MYZAP: variants seen among roughly 807,000 people sequenced by gnomAD.
The protein encoded by MYZAP is GRINL1A complex locus upstream.
In MYZAP, 66 loss-of-function variants were observed where a neutral mutation model predicts 69.4. The observed-to-expected ratio is 0.95, with a 90% CI of 0.78 to 1.17. The LOEUF (loss-of-function observed/expected upper bound fraction) is 1.17, where lower values mean the gene tolerates loss of function less well. Among genes scored for constraint, MYZAP ranks in the 50% most tolerant of loss-of-function variants. The pLI, the probability that MYZAP is intolerant of heterozygous loss-of-function variation, is 0.00. For synonymous variants in MYZAP, 256 were observed against 205.9 expected, an observed-to-expected ratio of 1.24 and a Z score of -2.09; for missense variants, 611 against 556.2, an observed-to-expected ratio of 1.10 and a Z score of -0.99.
intron 10 of MYZAP, chr15:57,648,254 G>C (rs1016695141): frequency 3.0e-6 from 3 of 985,102 alleles, no homozygotes; most frequent in Non-Finnish European, 3.6e-6. Context: ...GACAGGTATT[G>C]GTTTCGGTAT....
Position 57,643,616 on chromosome 15 carries a change from G to T in MYZAP, c.1119+4071G>T, listed in dbSNP as rs142240190. ...CAACCAAAGCAGCTCTCCTGCCAAG[G>T]GGAAAGTGATCTTAAGGAAAAAATC... On this transcript the variant is annotated intron_variant, in intron 10 of 12. Coordinates refer to ENST00000267853, the MANE Select transcript of MYZAP (RefSeq NM_001018100.5). Among the ~76,000 whole-genome samples, 76 of 152,272 alleles carry T rather than the reference G, an allele frequency of 5.0e-4. 1 individual carries two copies. In the East Asian group the frequency reaches 0.011, roughly 21 times the overall value.
intron 10 of MYZAP, chr15:57,647,935 C>T (rs2037527260): frequency 3.0e-6 from 3 of 985,288 alleles, no homozygotes; most frequent in Non-Finnish European, 3.6e-6. Flanking sequence ...GAAATCCTGC[C>T]CCGCCACCGC....
chr15:57,637,222 G>A (rs2036868616), intron 8 of MYZAP, among the ~76,000 whole-genome samples: 2 of 152,172 alleles, frequency 1.3e-5, no homozygotes, highest in Admixed American at 1.3e-4. Flanking sequence ...TCAGGACATG[G>A]ACATCTTTGG....
chr15:57,650,904 G>T (rs1272312195), intron 10 of MYZAP, among the ~76,000 whole-genome samples: 2 of 152,180 alleles, frequency 1.3e-5, no homozygotes, highest in Non-Finnish European at 2.9e-5. Context: ...ATGGTACGAG[G>T]GAGTGAGAAA....
chr15:57,684,716 C>G lies in MYZAP; in HGVS notation c.*218C>G. ...CAAGGTCACATTTCAGACACCCACT[C>G]GGCATACCCTGCCGTACTGCATCAT... is the stretch of plus-strand genomic sequence containing the variant. On this transcript the variant is annotated 3_prime_UTR_variant, in exon 13 of 13. Coordinates refer to ENST00000267853, the MANE Select transcript of MYZAP (RefSeq NM_001018100.5). 1 of 443,946 alleles carries G rather than the reference C, an allele frequency of 2.3e-6. No homozygotes were observed. The highest frequency in any genetic ancestry group is 4.0e-6 in the Non-Finnish European group (1 of 251,468). The allele number at this position is 443,946 out of a possible 1,614,324, so 27.5% of individuals were successfully genotyped here.
chr15:57,671,397 G>A (rs2038860406), intron 11 of MYZAP, among the ~76,000 whole-genome samples: 1 of 152,090 alleles, frequency 6.6e-6, no homozygotes, highest in Non-Finnish European at 1.5e-5. Flanking sequence ...GGGGTTTACT[G>A]AGCTTCTTGA....
chr15:57,645,857 A>C (rs1445563963), intron 10 of MYZAP, among the ~76,000 whole-genome samples: 5 of 152,194 alleles, frequency 3.3e-5, no homozygotes, highest in Middle Eastern at 3.2e-3. Flanking sequence ...TCTTCACAAG[A>C]ATATTTATAC....
intron 10 of MYZAP, among the ~76,000 whole-genome samples, chr15:57,641,653 C>G (rs1438915433): frequency 2.6e-5 from 4 of 152,232 alleles, no homozygotes; most frequent in Non-Finnish European, 5.9e-5. Context: ...ACCACCACCA[C>G]CAGCAACAAA....
intron 2 of MYZAP, among the ~76,000 whole-genome samples, chr15:57,607,379 A>G (rs2934429): frequency 0.81 from 123,134 of 152,052 alleles, 50,194 homozygotes; most frequent in East Asian, 0.93. Flanking sequence ...TAGCTGTGTC[A>G]ACTGGAGTCA....
chr15:57,635,126 G>T (rs2036739548), intron 8 of MYZAP, among the ~76,000 whole-genome samples: 1 of 152,220 alleles, frequency 6.6e-6, no homozygotes, highest in African/African-American at 2.4e-5. Context: ...GAATCAGACA[G>T]TCTGGGGATT....
intron 2 of MYZAP, among the ~76,000 whole-genome samples, chr15:57,613,260 C>G (rs1595866124): frequency 6.6e-6 from 1 of 151,966 alleles, no homozygotes; most frequent in African/African-American, 2.4e-5. Flanking sequence ...CAAATTCTGT[C>G]TAGTATTGTT....
At chr15:57,607,140 C>G (rs74990385) in intron 2 of MYZAP, among the ~76,000 whole-genome samples, 1,765 of 152,298 alleles carry the variant, frequency 0.012, 39 homozygotes, top group African/African-American at 0.04. Context: ...GTGGCCTAAG[C>G]TGGAGTGAGG....
At chr15:57,620,182 A>C (rs1406471640) in intron 3 of MYZAP, among the ~76,000 whole-genome samples, 2 of 152,206 alleles carry the variant, frequency 1.3e-5, no homozygotes. Context: ...TCATGGCAAG[A>C]AAGTAGACTC....
At chr15:57,616,998 T>C (rs1170571475) in intron 2 of MYZAP, among the ~76,000 whole-genome samples, 1 of 151,944 alleles carries the variant, frequency 6.6e-6, no homozygotes, top group Non-Finnish European at 1.5e-5. Context: ...TCAGTTTGTC[T>C]GAAGTCTCAG....
chr15:57,608,869 C>T (rs1294114249), intron 2 of MYZAP, among the ~76,000 whole-genome samples: 1 of 152,164 alleles, frequency 6.6e-6, no homozygotes, highest in African/African-American at 2.4e-5. Context: ...AGGCCCTAGC[C>T]ATGCTTGGAG....
chr15:57,595,969 G>A (rs1421871464), intron 1 of MYZAP, among the ~76,000 whole-genome samples: 1 of 152,178 alleles, frequency 6.6e-6, no homozygotes, highest in Non-Finnish European at 1.5e-5. Context: ...GGCGTCCTCT[G>A]GGCTAAGGGC....
rs1246683147 is a variant in MYZAP, at chr15:57,661,437, CCTTT to C, written c.1120-6_1120-3del. On this transcript the variant is annotated splice_polypyrimidine_tract_variant and intron_variant, in intron 10 of 12. Coordinates refer to ENST00000267853, the MANE Select transcript of MYZAP (RefSeq NM_001018100.5). Reference sequence around the variant, plus strand: ...CATTTTTGATTAACAATTTTCCATCCCTTTCTTTCTAGATTGAATCATTAAAGAA... The same window carrying C: ...CATTTTTGATTAACAATTTTCCATCCCTTTCTAGATTGAATCATTAAAGAA... 4.4e-6 allele frequency: 7 copies of C among 1,593,096 alleles called. No homozygotes were observed. In the African/African-American group the frequency reaches 8.1e-5, roughly 18 times the overall value.
chr15:57,611,449 A>G (rs1338650686), intron 2 of MYZAP, among the ~76,000 whole-genome samples: 2 of 151,298 alleles, frequency 1.3e-5, no homozygotes, highest in Non-Finnish European at 3.0e-5. Flanking sequence ...TCTCCCGTGT[A>G]TTCTTCCCTT....
chr15:57,685,360 A>C lies in MYZAP; in HGVS notation c.*862A>C, dbSNP rs1171367064. On this transcript the variant is annotated 3_prime_UTR_variant, in exon 13 of 13. Coordinates refer to ENST00000267853, the MANE Select transcript of MYZAP (RefSeq NM_001018100.5). ...TAATAAATACCATATATTTTGTTCT[A>C]CTAATGTTGTCTCTCTGTTTCATCC... 1 of 152,114 alleles carries C rather than the reference A, an allele frequency of 6.6e-6. No individual in the cohort carries two copies. Among genetic ancestry groups the C allele is most frequent in the Admixed American group, 6.6e-5 (1 of 15,260 alleles). The allele number at this position is 152,114 out of a possible 1,614,324, so 9.4% of individuals were successfully genotyped here.
Sources: allele counts gnomAD v4.1 joint callset (sites outside exome capture counted in the v4.1 genomes callset), GRCh38; gene constraint gnomAD v4.1.1; transcripts MANE v1.5; gene names NCBI Gene and HGNC (gene_info 2026-07-23, HGNC 2026-07-21).